Variants in SLC24A2 observed in about 807,000 individuals in gnomAD.
The protein encoded by SLC24A2 is sodium/potassium/calcium exchanger 2.
In SLC24A2, 36 loss-of-function variants were observed where a neutral mutation model predicts 62.0. The ratio of observed to expected loss-of-function variants is 0.58; its 90% CI spans 0.44 to 0.77. The LOEUF (loss-of-function observed/expected upper bound fraction) is 0.77. Ranked by LOEUF, SLC24A2 falls within the 30% of genes least tolerant of loss-of-function variation. The pLI, the probability that SLC24A2 is intolerant of heterozygous loss-of-function variation, is 0.00. For missense variants in SLC24A2, 846 were observed against 817.9 expected, an observed-to-expected ratio of 1.03 and a Z score of -0.42; for synonymous variants, 358 against 294.0, an observed-to-expected ratio of 1.22 and a Z score of -2.23.
chr9:19,886,210 C>T, the SLC24A2 span, among the ~76,000 whole-genome samples: 5 of 152,182 alleles, frequency 3.3e-5, no homozygotes, highest in Non-Finnish European at 5.9e-5. Context: ...TTTACGCTCC[C>T]ACCAGCAGTG....
At chr9:19,709,096 A>G (rs1241025574) in intron 2 of SLC24A2, among the ~76,000 whole-genome samples, 6 of 152,242 alleles carry the variant, frequency 3.9e-5, no homozygotes, top group African/African-American at 1.4e-4. Context: ...GGGGCGAAGG[A>G]TATGAACAGA....
chr9:20,039,248 G>A, the SLC24A2 span, among the ~76,000 whole-genome samples: 2 of 152,050 alleles, frequency 1.3e-5, no homozygotes, highest in Non-Finnish European at 2.9e-5. Flanking sequence ...TGACCCAAAG[G>A]GACTACCTGT....
chr9:19,981,155 A>C, the SLC24A2 span, among the ~76,000 whole-genome samples: 2 of 152,222 alleles, frequency 1.3e-5, no homozygotes, highest in African/African-American at 2.4e-5. Context: ...CAAAATGCTA[A>C]GATACCTTTA....
At chr9:19,601,270 G>A (rs889879189) in intron 4 of SLC24A2, among the ~76,000 whole-genome samples, 1 of 152,118 alleles carries the variant, frequency 6.6e-6, no homozygotes, top group African/African-American at 2.4e-5. Context: ...CAATCAGTAG[G>A]GTCCTAAAAG....
the SLC24A2 span, among the ~76,000 whole-genome samples, chr9:19,880,001 G>T: frequency 6.6e-6 from 1 of 151,916 alleles, no homozygotes; most frequent in Admixed American, 6.6e-5. Flanking sequence ...ACATGAAGAA[G>T]TAAAAAAATA....
chr9:20,269,095 G>A, the SLC24A2 span, among the ~76,000 whole-genome samples: 1 of 152,168 alleles, frequency 6.6e-6, no homozygotes, highest in African/African-American at 2.4e-5. Flanking sequence ...ATGGATTTCA[G>A]GGGGTGGGGA....
chr9:20,221,913 T>TTAAG, the SLC24A2 span, among the ~76,000 whole-genome samples: 4 of 152,050 alleles, frequency 2.6e-5, no homozygotes, highest in African/African-American at 9.7e-5. Flanking sequence ...AAGGAAATTA[T>TTAAG]TAAGATTTAC....
the SLC24A2 span, among the ~76,000 whole-genome samples, chr9:19,984,719 A>G: frequency 2.0e-5 from 3 of 152,322 alleles, no homozygotes; most frequent in East Asian, 5.8e-4. Flanking sequence ...AAATAAATAA[A>G]TAAGCCCAAA....
the SLC24A2 span, among the ~76,000 whole-genome samples, chr9:19,805,521 T>C: frequency 6.6e-6 from 1 of 152,212 alleles, no homozygotes; most frequent in African/African-American, 2.4e-5. Flanking sequence ...TGTTGGACTA[T>C]GCTCTGTCAG....
At chr9:19,518,403 T>C (rs998360039) in intron 10 of SLC24A2, among the ~76,000 whole-genome samples, 8 of 151,856 alleles carry the variant, frequency 5.3e-5, no homozygotes, top group African/African-American at 1.9e-4. Flanking sequence ...TATTTTTCTT[T>C]TCTTTCTTTT....
At chr9:19,524,581 C>G (rs1371169170) in intron 9 of SLC24A2, among the ~76,000 whole-genome samples, 1 of 152,106 alleles carries the variant, frequency 6.6e-6, no homozygotes, top group African/African-American at 2.4e-5. Context: ...TTTTATAGTT[C>G]AGAAGTACAA....
the SLC24A2 span, among the ~76,000 whole-genome samples, chr9:20,052,981 C>T: frequency 6.6e-5 from 10 of 152,078 alleles, no homozygotes; most frequent in Admixed American, 5.2e-4. Flanking sequence ...TGGATTTCAT[C>T]CTCTCTATCT....
the SLC24A2 span, among the ~76,000 whole-genome samples, chr9:19,940,312 A>C: frequency 6.6e-6 from 1 of 152,246 alleles, no homozygotes; most frequent in Non-Finnish European, 1.5e-5. Context: ...AAGCCTTGCC[A>C]CATGACTTTT....
the SLC24A2 span, among the ~76,000 whole-genome samples, chr9:20,063,652 AT>A: frequency 6.4e-4 from 97 of 152,304 alleles, 1 homozygote; most frequent in African/African-American, 2.2e-3. Context: ...TAATAAAAAA[AT>A]AAAAATAAAA....
the SLC24A2 span, among the ~76,000 whole-genome samples, chr9:20,219,515 A>C: frequency 6.6e-6 from 1 of 152,196 alleles, no homozygotes; most frequent in Non-Finnish European, 1.5e-5. Flanking sequence ...GAATGGACCC[A>C]TTCTGTGCCA....
chr9:19,835,929 A>G, the SLC24A2 span, among the ~76,000 whole-genome samples: 1 of 152,234 alleles, frequency 6.6e-6, no homozygotes, highest in Non-Finnish European at 1.5e-5. Context: ...AACTCATTCA[A>G]AAACACTCAA....
chr9:19,642,752 C>T (rs1023001276), intron 2 of SLC24A2, among the ~76,000 whole-genome samples: 1 of 140,142 alleles, frequency 7.1e-6, no homozygotes, highest in Non-Finnish European at 1.5e-5. Context: ...ACTATCTCGG[C>T]TCACTGCAAG....
At chr9:20,178,284 C>T in the SLC24A2 span, among the ~76,000 whole-genome samples, 3 of 152,116 alleles carry the variant, frequency 2.0e-5, no homozygotes, top group African/African-American at 7.2e-5. Flanking sequence ...GTCCTATAAC[C>T]TATCAGCTGT....
At chr9:19,739,508 A>G (rs990236821) in intron 2 of SLC24A2, among the ~76,000 whole-genome samples, 1 of 152,108 alleles carries the variant, frequency 6.6e-6, no homozygotes, top group African/African-American at 2.4e-5. Context: ...CCAGAAACAA[A>G]CTCATACTTA....
Sources: allele counts gnomAD v4.1 joint callset (sites outside exome capture counted in the v4.1 genomes callset), GRCh38; gene constraint gnomAD v4.1.1; transcripts MANE v1.5; gene names NCBI Gene and HGNC (gene_info 2026-07-23, HGNC 2026-07-21).